Variants in VIPAS39 observed in about 807,000 individuals in gnomAD.
VIPAS39 encodes VPS33B interacting protein, apical-basolateral polarity regulator, spe-39 homolog.
Under a neutral mutation model 84.7 loss-of-function variants are expected in VIPAS39, and 63 were observed. That is an observed-to-expected ratio of 0.74 (90% CI 0.61 to 0.92). The LOEUF is 0.92. VIPAS39 is among the 40% of genes least tolerant of loss of function. The pLI is 0.00. For missense variants in VIPAS39, 499 were observed against 604.5 expected (o/e 0.83, Z 1.83); for synonymous variants, 192 against 216.5 (o/e 0.89, Z 0.99).
At chr14:77,449,185 G>C (rs904095665) in intron 6 of VIPAS39, 108 bp downstream of exon 6, 7 of 1,264,838 alleles carry the variant, frequency 5.5e-6, no homozygotes, top group East Asian at 4.6e-5. Flanking sequence ...CTATAAAACA[G>C]GGTTAAAAAA....
In VIPAS39 at chr14:77,427,555, T is replaced by G; in HGVS notation, c.*61A>C. On this transcript the variant is annotated 3_prime_UTR_variant, in exon 20 of 20. Transcript: ENST00000557658. ...CCGCAGCTCTCCCAAAGAAGAGCTC[T>G]CTCTGCTTTCACAGGCAGGAGAGGA... The G allele has an allele frequency of 6.2e-7, 1 of 1,608,738 alleles. No homozygotes were observed. Among genetic ancestry groups the G allele is most frequent in the Non-Finnish European group, 8.5e-7 (1 of 1,175,158 alleles).
intron 15 of VIPAS39, 93 bp from the exon 16 acceptor site, chr14:77,434,024 T>C: frequency 7.1e-7 from 1 of 1,410,938 alleles, no homozygotes; most frequent in South Asian, 1.2e-5. Flanking sequence ...ATTAAATATT[T>C]CCTGATATTG....
chr14:77,433,448 G>T (rs10129713), intron 16 of VIPAS39, among the ~76,000 whole-genome samples: 1,885 of 152,230 alleles, frequency 0.012, 41 homozygotes, highest in African/African-American at 0.043. Flanking sequence ...TGATCCACCC[G>T]CCTCGGCCTC....
Position 77,451,173 on chromosome 14 carries a change from G to A in VIPAS39, c.343+14C>T. 1 of 1,614,176 alleles carries A rather than the reference G, an allele frequency of 6.2e-7. No individual in the cohort carries two copies. The highest frequency in any genetic ancestry group is 1.3e-5 in the African/African-American group (1 of 75,052). On this transcript the variant is annotated intron_variant, in intron 4 of 19. Transcript: ENST00000557658. Reference sequence around the variant, plus strand: ...GAGAAGGACTTCCCTATCCATTTAAGCATCTCTCTTTACCTCTAAAAAAGC... The same window carrying A: ...GAGAAGGACTTCCCTATCCATTTAAACATCTCTCTTTACCTCTAAAAAAGC...
At chr14:77,429,830 T>C (rs535385786) in intron 16 of VIPAS39, 63 bp from the exon 17 acceptor site, 2 of 1,445,074 alleles carry the variant, frequency 1.4e-6, no homozygotes, top group South Asian at 1.1e-5. Flanking sequence ...TCTAGGTTAG[T>C]CTATGTTTTA....
At chr14:77,431,210 G>T (rs192972623) in intron 16 of VIPAS39, among the ~76,000 whole-genome samples, 1 of 152,256 alleles carries the variant, frequency 6.6e-6, no homozygotes, top group African/African-American at 2.4e-5. Context: ...AAAAAGCTGC[G>T]CATGGCAAAG....
rs949514165 is a variant in VIPAS39, at chr14:77,457,262, G to A, written c.-1+233C>T. 2.6e-6 allele frequency: 4 copies of A among 1,535,304 alleles called. No homozygotes were observed. The South Asian group carries it at 4.8e-5, about 18-fold the overall frequency. ...CAGAGCCCAGCGGATCCCTGGCAGA[G>A]TTAAATGCTCGTTCTGAACCAAATG... On this transcript the variant is annotated intron_variant, in intron 1 of 19. Transcript: ENST00000557658.
rs1043697611 is a variant in VIPAS39, at chr14:77,449,447, G to A, written c.383-90C>T. ...TACTTCTTCGTTCTCACATTTTTTT[G>A]ACTTGTGGGCTCCCAATGTTAACTT... is the stretch of plus-strand genomic sequence containing the variant. On this transcript the variant is annotated intron_variant, in intron 5 of 19. Transcript: ENST00000557658. The A allele has an allele frequency of 1.1e-5, 16 of 1,513,522 alleles. No homozygotes were observed. In the African/African-American group the frequency reaches 2.2e-4, roughly 21 times the overall value. 93.8% of individuals were successfully genotyped at this position (1,513,522 alleles called of 1,614,324 possible). A position where few individuals can be genotyped will look rare whatever the true frequency, so the allele number is the denominator to read the frequency against.
chr14:77,443,234 C>A, intron 8 of VIPAS39, 82 bp from the exon 9 acceptor site: 1 of 1,528,882 alleles, frequency 6.5e-7, no homozygotes, highest in Non-Finnish European at 9.1e-7. Flanking sequence ...GGGCCAGCAA[C>A]TCATTAGCAA....
At chr14:77,428,295 G>C in intron 19 of VIPAS39, 75 bp downstream of exon 19, 1 of 1,352,128 alleles carries the variant, frequency 7.4e-7, no homozygotes, top group South Asian at 1.2e-5. Context: ...CAGACCTTGG[G>C]AACATACATT....
intron 11 of VIPAS39, chr14:77,440,195 T>G (rs2078679249): frequency 8.1e-6 from 1 of 122,770 alleles, no homozygotes. Context: ...GAAATTCTTA[T>G]TCCTGCCAAG....
Position 77,441,093 on chromosome 14 carries a change from C to A in VIPAS39, c.735G>T (p.Arg245Ser). Residue 245 changes from arginine to serine, a missense_variant and splice_region_variant, in exon 11 of 20, where the codon AGG (arginine) becomes AGT (serine). Coordinates refer to ENST00000557658, the MANE Select transcript of VIPAS39 (RefSeq NM_001193315.2). ...CAAGCTCTTCTGTTCTATCTAGGAA[C>A]CTGGGAAGAAGCAGAAGGGAGCAGG... is the stretch of plus-strand genomic sequence containing the variant. ...GDQKLLLDLF[R>S]FLDRTEELAL... 6.2e-7 allele frequency: 1 copy of A among 1,611,660 alleles called. No homozygotes were observed. Among genetic ancestry groups the A allele is most frequent in the Non-Finnish European group, 8.5e-7 (1 of 1,179,610 alleles).
Position 77,428,455 on chromosome 14 carries a change from T to C in VIPAS39, c.1376A>G (p.Asp459Gly). 6.2e-7 allele frequency: 1 copy of C among 1,614,030 alleles called. No homozygotes were observed. Among genetic ancestry groups the C allele is most frequent in the South Asian group, 1.1e-5 (1 of 91,072 alleles). ...VVIDTYRDLK[D>G]RQQLLAYRSK... The stretch of plus-strand genomic sequence containing the variant: ...CCTGTATGCTAGCAACTGTTGACGA[T>C]CCTTCAGGTCCCGGTAGGTCTGTGC... The change falls in exon 19 of 20, where the codon GAT (aspartate) becomes GGT (glycine). Residue 459 changes from aspartate (D) to glycine (G), a missense_variant. Physicochemically the swap from Asp to Gly is moderately conservative, Grantham distance 94. Coordinates refer to ENST00000557658, the MANE Select transcript of VIPAS39 (RefSeq NM_001193315.2).
intron 10 of VIPAS39, 164 bp from the exon 11 acceptor site, chr14:77,441,257 T>C (rs2078699122): frequency 1.3e-6 from 1 of 743,616 alleles, no homozygotes; most frequent in Non-Finnish European, 2.2e-6. Flanking sequence ...CTGGTCTCTC[T>C]GGCTGAACAA....
chr14:77,445,157 C>T (rs2078768077), intron 7 of VIPAS39, among the ~76,000 whole-genome samples: 1 of 151,928 alleles, frequency 6.6e-6, no homozygotes, highest in African/African-American at 2.4e-5. Context: ...GACAGGGTTT[C>T]ACCATGTTAG....
chr14:77,442,701 G>C, intron 9 of VIPAS39, 39 bp from the exon 10 acceptor site: 1 of 1,580,270 alleles, frequency 6.3e-7, no homozygotes. Flanking sequence ...AAAGATTAAA[G>C]CCAATTAGTC....
intron 16 of VIPAS39, among the ~76,000 whole-genome samples, chr14:77,433,465 T>C (rs919918594): frequency 2.0e-5 from 3 of 152,192 alleles, no homozygotes; most frequent in Non-Finnish European, 4.4e-5. Context: ...CCTCCCAAAG[T>C]GCTGGGATTA....
chr14:77,449,602 T>A (rs1269445407), intron 5 of VIPAS39, 112 bp downstream of exon 5: 1 of 1,431,224 alleles, frequency 7.0e-7, no homozygotes, highest in Non-Finnish European at 9.9e-7. Flanking sequence ...TGACAGTAGA[T>A]GCAGAAGAAA....
chr14:77,436,133 C>T (rs1030568405), intron 12 of VIPAS39, among the ~76,000 whole-genome samples: 4 of 152,152 alleles, frequency 2.6e-5, no homozygotes, highest in African/African-American at 9.7e-5. Context: ...TCCTGAGAGT[C>T]CACAAAATAC....
Sources: allele counts gnomAD v4.1 joint callset (sites outside exome capture counted in the v4.1 genomes callset), GRCh38; gene constraint gnomAD v4.1.1; transcripts MANE v1.5; gene names NCBI Gene and HGNC (gene_info 2026-07-23, HGNC 2026-07-21).